Variants in MAML3 observed in about 807,000 individuals in gnomAD.
MAML3 encodes the protein mastermind like transcriptional coactivator 3.
A neutral mutation model predicts 101.9 loss-of-function variants in MAML3; 27 were observed. That is an observed-to-expected ratio of 0.27 (90% confidence interval 0.20 to 0.37). MAML3 has a LOEUF of 0.37. Among genes scored for constraint, MAML3 ranks in the 10% least tolerant of loss-of-function variants. The pLI is 1.00. For synonymous variants in MAML3, 501 were observed against 555.9 expected (o/e 0.90, Z 1.39); for missense variants, 1,316 against 1,444.9 (o/e 0.91, Z 1.45).
chr4:139,892,815 C>T (rs1732529422), intron 1 of MAML3, among the ~76,000 whole-genome samples: 2 of 151,508 alleles, frequency 1.3e-5, no homozygotes, highest in South Asian at 4.2e-4. Flanking sequence ...CCTTTAGTCC[C>T]AGCTACTTGA....
intron 1 of MAML3, among the ~76,000 whole-genome samples, chr4:139,914,516 C>T (rs1732993603): frequency 6.6e-6 from 1 of 152,016 alleles, no homozygotes; most frequent in Non-Finnish European, 1.5e-5. Flanking sequence ...AGAAAATGAC[C>T]ACAGTAAATC....
At chr4:140,059,170 AG>A in intron 1 of MAML3, among the ~76,000 whole-genome samples, 1 of 152,256 alleles carries the variant, frequency 6.6e-6, no homozygotes, top group East Asian at 1.9e-4. Flanking sequence ...GCAAAGAAAC[AG>A]GTACCTTTAT....
At chr4:140,108,898 A>G (rs1188109927) in intron 1 of MAML3, among the ~76,000 whole-genome samples, 13 of 152,166 alleles carry the variant, frequency 8.5e-5, no homozygotes, top group Admixed American at 2.6e-4. Context: ...TGGCTCTCCA[A>G]GGAACACACT....
chr4:140,009,423 T>G (rs1367587249), intron 1 of MAML3, among the ~76,000 whole-genome samples: 1 of 152,214 alleles, frequency 6.6e-6, no homozygotes, highest in African/African-American at 2.4e-5. Context: ...TACAGTCCAG[T>G]GGAGAATGCA....
intron 1 of MAML3, among the ~76,000 whole-genome samples, chr4:140,140,434 C>A (rs1385130249): frequency 6.6e-6 from 1 of 152,138 alleles, no homozygotes; most frequent in Non-Finnish European, 1.5e-5. Flanking sequence ...ATGTATACAA[C>A]CAACTTTTGC....
chr4:140,071,726 T>A (rs910600055), intron 1 of MAML3, among the ~76,000 whole-genome samples: 6 of 148,394 alleles, frequency 4.0e-5, no homozygotes, highest in Non-Finnish European at 8.9e-5. Flanking sequence ...AGAAAATCTT[T>A]ACACTTATAA....
chr4:139,725,826 G>T lies in MAML3; in HGVS notation c.2341C>A (p.Gln781Lys). The T allele has an allele frequency of 1.2e-6, 2 of 1,613,886 alleles. No individual in the cohort carries two copies. The highest frequency in any genetic ancestry group is 1.1e-5 in the South Asian group (1 of 91,076). ...AGGTGCTGCCGGGGTAGATGTGATT[G>T]CTGCAACTGCTAGAACAACAGAACA... ...QQILAEQQLQ[Q>K]SHLPRQHLQP... is the part of the protein sequence containing the mutation. The change falls in exon 4 of 5, where the codon CAA becomes AAA. Residue 781 changes from glutamine (Q) to lysine (K), a missense_variant. By Grantham distance (53) the Gln-to-Lys change is moderately conservative. Coordinates refer to ENST00000509479, the MANE Select transcript of MAML3 (RefSeq NM_018717.5).
intron 2 of MAML3, among the ~76,000 whole-genome samples, chr4:139,752,403 A>C (rs1395201199): frequency 6.6e-6 from 1 of 151,804 alleles, no homozygotes; most frequent in Non-Finnish European, 1.5e-5. Context: ...GGCGGACCCA[A>C]CTCCTCTTCC....
chr4:139,891,409 G>A (rs1217879596), intron 1 of MAML3, among the ~76,000 whole-genome samples: 1 of 152,160 alleles, frequency 6.6e-6, no homozygotes. Flanking sequence ...CTCCAGAGTA[G>A]CTAGGATACA....
intron 1 of MAML3, among the ~76,000 whole-genome samples, chr4:140,149,342 C>A (rs1270892885): frequency 6.6e-6 from 1 of 152,194 alleles, no homozygotes; most frequent in Admixed American, 6.5e-5. Flanking sequence ...CCTGCTCTAT[C>A]AACAGGGCTG....
intron 3 of MAML3, 59 bp from the exon 4 acceptor site, chr4:139,725,894 C>A: frequency 7.2e-7 from 1 of 1,398,044 alleles, no homozygotes; most frequent in Non-Finnish European, 1.0e-6. Context: ...GCACACAATT[C>A]AATATCCCAG....
At chr4:140,027,219 C>G (rs1006544757) in intron 1 of MAML3, among the ~76,000 whole-genome samples, 1 of 152,172 alleles carries the variant, frequency 6.6e-6, no homozygotes, top group Non-Finnish European at 1.5e-5. Context: ...TTTATCTAAC[C>G]CTAGTTACTT....
At position 140,083,943 on chromosome 4, in the gene MAML3, C is replaced by T. The variant is rs1414254942; in HGVS notation, c.468+68917G>A. Among the ~76,000 whole-genome samples the T allele has an allele frequency of 1.4e-4, 3 of 22,002 alleles. No homozygotes were observed. In the East Asian group the frequency reaches 5.8e-3, roughly 43 times the overall value. 14.4% of individuals were successfully genotyped at this position (22,002 alleles called of 152,430 possible). On this transcript the variant is annotated intron_variant, in intron 1 of 4. Transcript: ENST00000509479. Reference sequence around the variant, plus strand: ...AAACACACACGCGCGCACACACACACACACACACACACACACACACACACA... The same window carrying T: ...AAACACACACGCGCGCACACACACATACACACACACACACACACACACACA...
At chr4:139,888,144 T>G (rs1435627968) in intron 2 of MAML3, among the ~76,000 whole-genome samples, 2 of 151,920 alleles carry the variant, frequency 1.3e-5, no homozygotes, top group African/African-American at 4.8e-5. Flanking sequence ...CAGCACCACC[T>G]CCAGCCCTGC....
chr4:139,769,623 T>C (rs1048596452), intron 2 of MAML3, among the ~76,000 whole-genome samples: 13 of 144,546 alleles, frequency 9.0e-5, no homozygotes, highest in Non-Finnish European at 1.5e-5. Context: ...GTTCTTTTTC[T>C]TTTTTTTTTT....
chr4:139,787,062 C>T (rs1730319051), intron 2 of MAML3, among the ~76,000 whole-genome samples: 1 of 152,172 alleles, frequency 6.6e-6, no homozygotes, highest in Non-Finnish European at 1.5e-5. Context: ...ATTGAACATG[C>T]CTCAGTTGGG....
intron 1 of MAML3, among the ~76,000 whole-genome samples, chr4:139,978,399 G>T (rs1050737058): frequency 7.9e-5 from 12 of 152,150 alleles, no homozygotes; most frequent in African/African-American, 2.4e-4. Context: ...AAGCCTGTTG[G>T]AGTGAGCAGA....
chr4:139,910,907 C>T (rs1185908641), intron 1 of MAML3, among the ~76,000 whole-genome samples: 2 of 152,130 alleles, frequency 1.3e-5, no homozygotes, highest in African/African-American at 4.8e-5. Flanking sequence ...AGAAAATTTA[C>T]CATCTTAGCC....
intron 1 of MAML3, among the ~76,000 whole-genome samples, chr4:139,931,279 T>C (rs888638934): frequency 6.6e-6 from 1 of 152,182 alleles, no homozygotes; most frequent in African/African-American, 2.4e-5. Flanking sequence ...GTTCCTCTTC[T>C]GGCTACCTCA....
Sources: gnomAD v4.1 joint callset for allele counts (sites outside exome capture counted in the v4.1 genomes callset) on GRCh38, gnomAD v4.1.1 for gene constraint, MANE v1.5 for transcripts, NCBI Gene and HGNC (gene_info 2026-07-23, HGNC 2026-07-21) for gene names.